Variants in G2E3 observed in about 807,000 individuals in gnomAD.
The protein encoded by G2E3 is G2/M-phase specific E3 ubiquitin protein ligase.
A neutral mutation model predicts 92.8 loss-of-function variants in G2E3; 35 were observed. The observed-to-expected ratio is 0.38, with a 90% CI of 0.29 to 0.50. The LOEUF (loss-of-function observed/expected upper bound fraction) is 0.50, where lower values mean the gene tolerates loss of function less well. Among genes scored for constraint, G2E3 ranks in the 20% least tolerant of loss-of-function variants. The pLI is 0.94. For synonymous variants in G2E3, 242 were observed against 272.4 expected (o/e 0.89, Z 1.10); for missense variants, 554 against 823.8 (o/e 0.67, Z 4.01).
At chr14:30,605,116 G>A (rs766602500) in intron 10 of G2E3, among the ~76,000 whole-genome samples, 20 of 152,218 alleles carry the variant, frequency 1.3e-4, no homozygotes, top group Non-Finnish European at 2.2e-4. Flanking sequence ...CACTGGTCTC[G>A]AACTCATGAC....
At chr14:30,595,066 A>C (rs549868232) in intron 6 of G2E3, among the ~76,000 whole-genome samples, 54 of 151,956 alleles carry the variant, frequency 3.6e-4, no homozygotes, top group Admixed American at 3.5e-3. Context: ...TGAACCCGGG[A>C]GGTAGAGGTT....
rs2138930494 is a variant in G2E3 at position 30,618,229 on chromosome 14, T to C, written c.*1695T>C. On this transcript the variant is annotated 3_prime_UTR_variant, in exon 15 of 15. Coordinates refer to ENST00000206595, the MANE Select transcript of G2E3 (RefSeq NM_017769.5). ...TTAAGAACATTAAACAAGACATTTC[T>C]TTGGCTTTGGTTGAATTTTTTTGTC... is the stretch of plus-strand genomic sequence containing the variant. 6.6e-6 allele frequency: 1 copy of C among 152,244 alleles called. No homozygotes were observed. The highest frequency in any genetic ancestry group is 6.5e-5 in the Admixed American group (1 of 15,288). 9.4% of individuals were successfully genotyped at this position (152,244 alleles called of 1,614,324 possible).
At chr14:30,584,567 A>G (rs926831088) in intron 2 of G2E3, among the ~76,000 whole-genome samples, 5 of 152,178 alleles carry the variant, frequency 3.3e-5, no homozygotes, top group Non-Finnish European at 7.4e-5. Context: ...GATTACAGCT[A>G]TCCTTGTGAG....
chr14:30,588,049 T>A (rs1356650596), intron 3 of G2E3, among the ~76,000 whole-genome samples: 1 of 152,210 alleles, frequency 6.6e-6, no homozygotes, highest in African/African-American at 2.4e-5. Context: ...TACAGTCTTG[T>A]GCCTCCGTAC....
At chr14:30,570,203 A>C (rs1219855077) in intron 1 of G2E3, among the ~76,000 whole-genome samples, 1 of 151,930 alleles carries the variant, frequency 6.6e-6, no homozygotes, top group East Asian at 1.9e-4. Flanking sequence ...CTTATTGGGG[A>C]TATTTTGTAT....
chr14:30,607,195 T>G (rs1340225002), intron 11 of G2E3, among the ~76,000 whole-genome samples: 1 of 151,888 alleles, frequency 6.6e-6, no homozygotes, highest in Non-Finnish European at 1.5e-5. Context: ...TACAATATAA[T>G]AAGTGGATAA....
chr14:30,591,239 C>T (rs1290978898), intron 4 of G2E3, among the ~76,000 whole-genome samples: 3 of 152,098 alleles, frequency 2.0e-5, no homozygotes, highest in Non-Finnish European at 2.9e-5. Context: ...CTAGGTGGTG[C>T]TCAAAGGGGT....
At chr14:30,592,758 C>T (rs1226414186) in intron 5 of G2E3, among the ~76,000 whole-genome samples, 1 of 152,102 alleles carries the variant, frequency 6.6e-6, no homozygotes, top group Non-Finnish European at 1.5e-5. Context: ...TTCTAGATTT[C>T]TGTGTCACTC....
chr14:30,611,658 TTTTTC>T (rs1882093710), intron 12 of G2E3: 1 of 152,134 alleles, frequency 6.6e-6, no homozygotes, highest in Non-Finnish European at 1.5e-5. Context: ...TTTCTCTTTT[TTTTTC>T]TTTTCTTTTT....
Position 30,604,147 on chromosome 14 carries a change from G to T in G2E3, c.1011-1358G>T, listed in dbSNP as rs540304002. The stretch of plus-strand genomic sequence containing the variant: ...CTGCTTTAACATGCAGTCATATTTA[G>T]AAGAATAGCATCAGCATTCCCCTGA... On this transcript the variant is annotated intron_variant, in intron 10 of 14. Transcript: ENST00000206595. 4.5e-4 allele frequency among the ~76,000 whole-genome samples: 69 copies of T among 152,264 alleles called. 1 individual carries two copies. Among genetic ancestry groups the T allele is most frequent in the Non-Finnish European group, 8.4e-4 (57 of 68,010 alleles).
intron 1 of G2E3, among the ~76,000 whole-genome samples, chr14:30,565,991 C>T (rs1049426125): frequency 2.6e-5 from 4 of 152,082 alleles, no homozygotes; most frequent in Admixed American, 2.6e-4. Context: ...GCTGTCTGGT[C>T]GTCCCAGGAC....
At chr14:30,582,823 G>A (rs1004835575) in intron 2 of G2E3, among the ~76,000 whole-genome samples, 1 of 152,204 alleles carries the variant, frequency 6.6e-6, no homozygotes, top group African/African-American at 2.4e-5. Context: ...ACCAGAGTGA[G>A]GGAGGGCAGA....
At chr14:30,609,747 C>CT (rs571603716) in intron 12 of G2E3, among the ~76,000 whole-genome samples, 10 of 152,138 alleles carry the variant, frequency 6.6e-5, no homozygotes, top group Middle Eastern at 3.4e-3. Flanking sequence ...TTTTGTGGGG[C>CT]TTTTTTGTGT....
intron 1 of G2E3, among the ~76,000 whole-genome samples, chr14:30,572,593 T>A (rs1361401635): frequency 6.6e-6 from 1 of 152,200 alleles, no homozygotes; most frequent in African/African-American, 2.4e-5. Flanking sequence ...TCAAATGCTC[T>A]TTCTGCATCT....
intron 1 of G2E3, among the ~76,000 whole-genome samples, chr14:30,573,038 G>A (rs999557327): frequency 6.6e-6 from 1 of 151,708 alleles, no homozygotes; most frequent in African/African-American, 2.4e-5. Context: ...TCACTATGTT[G>A]CTCAAGGTGG....
At chr14:30,600,187 T>G (rs947995914) in intron 8 of G2E3, among the ~76,000 whole-genome samples, 3 of 152,190 alleles carry the variant, frequency 2.0e-5, no homozygotes, top group Non-Finnish European at 4.4e-5. Flanking sequence ...CCTTGTTTCA[T>G]GAAACAAGGT....
chr14:30,560,850 AAT>A, intron 1 of G2E3: 1 of 699,610 alleles, frequency 1.4e-6, no homozygotes, highest in South Asian at 1.5e-5. Context: ...AAGGTTAGAA[AAT>A]ACTGTGAGTT....
At chr14:30,615,638 A>G in intron 14 of G2E3, 99 bp downstream of exon 14, 1 of 653,082 alleles carries the variant, frequency 1.5e-6, no homozygotes, top group Non-Finnish European at 2.5e-6. Context: ...TTTTGGTATT[A>G]ATATTAAGAT....
intron 8 of G2E3, among the ~76,000 whole-genome samples, chr14:30,599,844 A>G (rs940541483): frequency 1.3e-5 from 2 of 152,166 alleles, no homozygotes; most frequent in African/African-American, 4.8e-5. Context: ...TTTCTATTGG[A>G]CAGCACTGTT....
Sources: allele counts gnomAD v4.1 joint callset (sites outside exome capture counted in the v4.1 genomes callset), GRCh38; gene constraint gnomAD v4.1.1; transcripts MANE v1.5; gene names NCBI Gene and HGNC (gene_info 2026-07-23, HGNC 2026-07-21).